SLC39A11: variants seen among roughly 807,000 people sequenced by gnomAD.
SLC39A11 encodes solute carrier family 39 member 11.
SLC39A11 carries 33 observed loss-of-function variants against 36.1 expected under a neutral mutation model. That is an observed-to-expected ratio of 0.91 (90% CI 0.69 to 1.22). SLC39A11 has a LOEUF of 1.22. Among genes scored for constraint, SLC39A11 ranks in the 50% most tolerant of loss-of-function variants. The pLI is 0.00. For missense variants in SLC39A11, 432 were observed against 430.3 expected, an observed-to-expected ratio of 1.00 and a Z score of -0.03; for synonymous variants, 166 against 170.3, an observed-to-expected ratio of 0.97 and a Z score of 0.20.
intron 4 of SLC39A11, among the ~76,000 whole-genome samples, chr17:72,960,853 C>T (rs75339048): frequency 0.048 from 7,348 of 151,860 alleles, 196 homozygotes; most frequent in Non-Finnish European, 0.061. Context: ...CCTTTTTCTT[C>T]ACCACAATTT....
chr17:73,035,111 A>G (rs759343842), intron 3 of SLC39A11, among the ~76,000 whole-genome samples: 3 of 152,112 alleles, frequency 2.0e-5, no homozygotes, highest in Admixed American at 2.0e-4. Flanking sequence ...TGAAAAAAGC[A>G]CCCAAAGCAA....
At chr17:72,968,497 C>T (rs948673923) in intron 4 of SLC39A11, among the ~76,000 whole-genome samples, 1 of 152,178 alleles carries the variant, frequency 6.6e-6, no homozygotes, top group Non-Finnish European at 1.5e-5. Flanking sequence ...TCAGTTTCCC[C>T]AACCCAGTCA....
At chr17:72,977,233 G>A (rs2087920735) in intron 4 of SLC39A11, among the ~76,000 whole-genome samples, 2 of 151,920 alleles carry the variant, frequency 1.3e-5, no homozygotes, top group Admixed American at 1.3e-4. Context: ...CCCAAGGAGT[G>A]GAGAGAGGCC....
intron 6 of SLC39A11, among the ~76,000 whole-genome samples, chr17:72,764,399 T>C (rs940843092): frequency 1.3e-5 from 2 of 152,190 alleles, no homozygotes; most frequent in Non-Finnish European, 2.9e-5. Flanking sequence ...TATAGCTTGA[T>C]GTCTCCCCAC....
chr17:72,975,032 G>A (rs1367706293), intron 4 of SLC39A11, among the ~76,000 whole-genome samples: 2 of 152,172 alleles, frequency 1.3e-5, no homozygotes, highest in East Asian at 3.8e-4. Flanking sequence ...TACACTCTAT[G>A]ATGTTTGAAC....
chr17:72,673,291 G>A (rs966123365), intron 7 of SLC39A11, among the ~76,000 whole-genome samples: 1 of 152,014 alleles, frequency 6.6e-6, no homozygotes, highest in African/African-American at 2.4e-5. Context: ...TTTTAGTAGA[G>A]ACGGGGTTTC....
At chr17:72,986,046 C>T (rs1827863502) in intron 4 of SLC39A11, among the ~76,000 whole-genome samples, 1 of 152,174 alleles carries the variant, frequency 6.6e-6, no homozygotes, top group Non-Finnish European at 1.5e-5. Context: ...TTCCCTGGAG[C>T]CTTGAGGAGG....
intron 3 of SLC39A11, among the ~76,000 whole-genome samples, chr17:73,062,862 C>A (rs777347110): frequency 9.9e-5 from 15 of 152,182 alleles, no homozygotes; most frequent in Non-Finnish European, 1.9e-4. Flanking sequence ...AGGAGTTGTG[C>A]TCCTGTGAGA....
intron 3 of SLC39A11, among the ~76,000 whole-genome samples, chr17:73,081,610 GATAT>G (rs36154651): frequency 0.057 from 7,589 of 133,412 alleles, 475 homozygotes; most frequent in African/African-American, 0.13. Context: ...AAGAAAATGT[GATAT>G]ATATATATAT....
intron 4 of SLC39A11, among the ~76,000 whole-genome samples, chr17:72,987,048 T>A (rs1418462526): frequency 6.6e-6 from 1 of 152,156 alleles, no homozygotes; most frequent in African/African-American, 2.4e-5. Flanking sequence ...CGGGAGCAGA[T>A]CCCTCATGAA....
chr17:72,770,121 T>C (rs764269567), intron 6 of SLC39A11, among the ~76,000 whole-genome samples: 1 of 152,236 alleles, frequency 6.6e-6, no homozygotes, highest in Non-Finnish European at 1.5e-5. Flanking sequence ...GTCCTCAACC[T>C]TGGCAAAATA....
chr17:72,873,548 C>A (rs2080750739), intron 5 of SLC39A11, among the ~76,000 whole-genome samples: 1 of 152,130 alleles, frequency 6.6e-6, no homozygotes, highest in Non-Finnish European at 1.5e-5. Context: ...GTCAACTGCA[C>A]TAAGAAAGCA....
intron 6 of SLC39A11, chr17:72,818,780 T>A (rs1220550852): frequency 1.3e-5 from 2 of 152,146 alleles, no homozygotes; most frequent in African/African-American, 4.8e-5. Context: ...ACCAGTATAC[T>A]CATCTGAGCA....
At chr17:73,069,164 A>G (rs2060085734) in intron 3 of SLC39A11, among the ~76,000 whole-genome samples, 1 of 151,980 alleles carries the variant, frequency 6.6e-6, no homozygotes, top group Admixed American at 6.6e-5. Flanking sequence ...TCAAAACTCA[A>G]CCTATCCCTC....
intron 3 of SLC39A11, among the ~76,000 whole-genome samples, chr17:73,034,883 G>A (rs1369085746): frequency 6.6e-6 from 1 of 152,136 alleles, no homozygotes; most frequent in Non-Finnish European, 1.5e-5. Flanking sequence ...CTCAAGGGAG[G>A]GTGTGTTGGA....
At chr17:72,886,026 C>T (rs1023490286) in intron 5 of SLC39A11, among the ~76,000 whole-genome samples, 7 of 152,152 alleles carry the variant, frequency 4.6e-5, no homozygotes, top group Admixed American at 1.3e-4. Context: ...TAGTCAATTC[C>T]CCTCTTTTTG....
At chr17:73,060,921 C>G (rs9912900) in intron 3 of SLC39A11, among the ~76,000 whole-genome samples, 126,860 of 152,200 alleles carry the variant, frequency 0.83, 53,115 homozygotes, top group East Asian at 0.94. Flanking sequence ...ATTTTAAGTC[C>G]TGTCACTCAC....
At chr17:72,728,743 G>A (rs927748745) in intron 7 of SLC39A11, among the ~76,000 whole-genome samples, 3 of 152,104 alleles carry the variant, frequency 2.0e-5, no homozygotes, top group Non-Finnish European at 4.4e-5. Context: ...AGTTAGCTTG[G>A]TGCACGTGTA....
chr17:72,944,236 C>T (rs1353952049), intron 5 of SLC39A11, among the ~76,000 whole-genome samples: 1 of 152,132 alleles, frequency 6.6e-6, no homozygotes, highest in Non-Finnish European at 1.5e-5. Context: ...CGGTATTGGC[C>T]TCTGTGTGCA....
Sources: gnomAD v4.1 joint callset for allele counts (sites outside exome capture counted in the v4.1 genomes callset) on GRCh38, gnomAD v4.1.1 for gene constraint, MANE v1.5 for transcripts, NCBI Gene and HGNC (gene_info 2026-07-23, HGNC 2026-07-21) for gene names.